PPP2R2C: variants seen among roughly 807,000 people sequenced by gnomAD.
PPP2R2C encodes the protein protein phosphatase 2 regulatory subunit Bgamma, also known as protein phosphatase 2, regulatory subunit B, gamma.
In PPP2R2C, 10 loss-of-function variants were observed where a neutral mutation model predicts 45.3. That is an observed-to-expected ratio of 0.22 (90% CI 0.14 to 0.37). The LOEUF is 0.37. PPP2R2C is among the 10% of genes least tolerant of loss of function. PPP2R2C has a pLI of 1.00. For missense variants in PPP2R2C, 308 were observed against 619.7 expected, an observed-to-expected ratio of 0.50 and a Z score of 5.34; for synonymous variants, 257 against 245.4, an observed-to-expected ratio of 1.05 and a Z score of -0.44.
rs973270585 is a variant in PPP2R2C at position 6,563,205 on chromosome 4, C to G, written c.-59+355G>C. Among the ~76,000 whole-genome samples, 1 of 152,212 alleles carries G rather than the reference C, an allele frequency of 6.6e-6. No individual in the cohort carries two copies. Among genetic ancestry groups the G allele is most frequent in the Non-Finnish European group, 1.5e-5 (1 of 68,034 alleles). ...CTCGGCCGAGACGCTGTGGCTGACA[C>G]CGGTGGAGCGATCTGCCCTGGCTCG... On this transcript the variant is annotated intron_variant, in intron 1 of 9. Coordinates refer to the PPP2R2C transcript ENST00000506140. This position sits in a 1 kb window ranked among gnomAD's most constrained non-coding sequence, Gnocchi z 5.8.
At chr4:6,335,647 G>A (rs552962245) in intron 6 of PPP2R2C, among the ~76,000 whole-genome samples, 8 of 152,108 alleles carry the variant, frequency 5.3e-5, no homozygotes, top group African/African-American at 1.4e-4. Flanking sequence ...CCCTCCCGAC[G>A]GAGGAAGGAA....
chr4:6,549,710 C>T (rs1206347247), intron 1 of PPP2R2C, among the ~76,000 whole-genome samples: 1 of 152,212 alleles, frequency 6.6e-6, no homozygotes, highest in Non-Finnish European at 1.5e-5. Flanking sequence ...ACGGGAGGCA[C>T]CTGCAGCACG....
intron 1 of PPP2R2C, among the ~76,000 whole-genome samples, chr4:6,406,460 G>A (rs898580532): frequency 8.5e-5 from 13 of 152,252 alleles, no homozygotes; most frequent in Non-Finnish European, 1.8e-4. Flanking sequence ...GCAGGGTGCA[G>A]GGCTCACGCC....
rs74975423 is a variant in PPP2R2C at position 6,324,695 on chromosome 4, T to A, written c.1053-1102A>T. On this transcript the variant is annotated intron_variant, in intron 8 of 8. Coordinates refer to ENST00000382599, the MANE Select transcript of PPP2R2C (RefSeq NM_020416.4). This position sits in a 1 kb window ranked among gnomAD's most constrained non-coding sequence, Gnocchi z 4.1. ...GGGCTCGCTGCCCTCACCGTCCCGC[T>A]AAAGAGAATTCCACACCATTTCTCT... Among the ~76,000 whole-genome samples the A allele has an allele frequency of 6.6e-6, 1 of 152,142 alleles. No individual in the cohort carries two copies. The highest frequency in any genetic ancestry group is 2.1e-4 in the South Asian group (1 of 4,834).
At chr4:6,428,231 G>A (rs1434779774) in intron 1 of PPP2R2C, among the ~76,000 whole-genome samples, 1 of 152,210 alleles carries the variant, frequency 6.6e-6, no homozygotes, top group African/African-American at 2.4e-5. Flanking sequence ...CAGGAGAGGA[G>A]GGTCTCATGC....
intron 6 of PPP2R2C, among the ~76,000 whole-genome samples, chr4:6,337,929 T>C (rs1386023228): frequency 1.3e-5 from 2 of 152,110 alleles, no homozygotes; most frequent in Non-Finnish European, 2.9e-5. Flanking sequence ...TTTTTCTTTT[T>C]AGACGTTTCT....
intron 1 of PPP2R2C, chr4:6,421,073 G>A (rs1024245962): frequency 3.0e-6 from 3 of 985,122 alleles, no homozygotes; most frequent in Non-Finnish European, 2.4e-6. Flanking sequence ...GGTGTCCACA[G>A]AAGTGGAGAG....
upstream of PPP2R2C, among the ~76,000 whole-genome samples, chr4:6,472,644 T>A (rs4441821): frequency 1.4e-5 from 2 of 147,652 alleles, no homozygotes; most frequent in African/African-American, 4.9e-5. Context: ...CCGCCGCCGC[T>A]GTCGCAGGCC....
intron 6 of PPP2R2C, among the ~76,000 whole-genome samples, chr4:6,336,258 C>G (rs571971283): frequency 6.6e-5 from 10 of 152,176 alleles, no homozygotes; most frequent in African/African-American, 2.4e-4. Flanking sequence ...CTCCCTCCAT[C>G]GTTCACAGGG....
Position 6,331,787 on chromosome 4 carries a change from G to C in PPP2R2C, c.960+1775C>G, listed in dbSNP as rs897223394. 3.3e-5 allele frequency among the ~76,000 whole-genome samples: 5 copies of C among 152,152 alleles called. No individual in the cohort carries two copies. The highest frequency in any genetic ancestry group is 5.9e-5 in the Non-Finnish European group (4 of 68,024). ...ACCACTGTGGCGCTGCCGGGGTCAT[G>C]GAGCCCCCCCACCTTCCTGGACTGC... On this transcript the variant is annotated intron_variant, in intron 7 of 8. Coordinates refer to ENST00000382599, the MANE Select transcript of PPP2R2C (RefSeq NM_020416.4). The surrounding 1 kb of genome is among the most constrained non-coding windows in gnomAD (Gnocchi z 5.9).
intron 3 of PPP2R2C, among the ~76,000 whole-genome samples, chr4:6,377,907 C>A (rs1050208085): frequency 1.3e-5 from 2 of 152,168 alleles, no homozygotes; most frequent in African/African-American, 4.8e-5. Flanking sequence ...AAGAGGCCGG[C>A]CGGGGTCCTA....
At chr4:6,325,889 G>C (rs887372728) in intron 8 of PPP2R2C, among the ~76,000 whole-genome samples, 5 of 151,670 alleles carry the variant, frequency 3.3e-5, no homozygotes, top group African/African-American at 1.2e-4. Context: ...GGAAAGAAAG[G>C]CTCCTGCCCT....
At chr4:6,500,321 T>C (rs1278572834) in intron 2 of PPP2R2C, among the ~76,000 whole-genome samples, 1 of 152,160 alleles carries the variant, frequency 6.6e-6, no homozygotes, top group Non-Finnish European at 1.5e-5. Context: ...ATGATCTTTG[T>C]ATTTTTAGTA....
chr4:6,332,769 C>T lies in PPP2R2C; in HGVS notation c.960+793G>A, dbSNP rs1732509794. 2.0e-5 allele frequency among the ~76,000 whole-genome samples: 3 copies of T among 152,062 alleles called. No homozygotes were observed. The highest frequency in any genetic ancestry group is 3.9e-4 in the East Asian group (2 of 5,184). The stretch of plus-strand genomic sequence containing the variant: ...GTGACAGATGTCAAGCACGTGGCAC[C>T]CCATGTGTGAGGAGTGACACGGTGA... On this transcript the variant is annotated intron_variant, in intron 7 of 8. Transcript: ENST00000382599. This position sits in a 1 kb window ranked among gnomAD's most constrained non-coding sequence, Gnocchi z 4.9.
intron 1 of PPP2R2C, among the ~76,000 whole-genome samples, chr4:6,457,665 T>C (rs962439785): frequency 2.0e-5 from 3 of 152,174 alleles, no homozygotes; most frequent in East Asian, 1.9e-4. Flanking sequence ...TGAGCCACAA[T>C]GCCCAACCGG....
At chr4:6,418,650 T>A (rs1163623809) in intron 1 of PPP2R2C, among the ~76,000 whole-genome samples, 1 of 152,098 alleles carries the variant, frequency 6.6e-6, no homozygotes, top group African/African-American at 2.4e-5. Context: ...CTGTGCTGGG[T>A]TCACCTCACT....
chr4:6,363,203 T>C (rs1443681979), intron 5 of PPP2R2C, among the ~76,000 whole-genome samples: 1 of 152,182 alleles, frequency 6.6e-6, no homozygotes, highest in Non-Finnish European at 1.5e-5. Context: ...CCAGAGCAGT[T>C]GTGTGCTGGT....
chr4:6,333,457 A>G, intron 7 of PPP2R2C, 105 bp downstream of exon 7: 1 of 1,310,716 alleles, frequency 7.6e-7, no homozygotes, highest in South Asian at 1.4e-5. Flanking sequence ...TCACCTACAT[A>G]CCGGGCATAT....
At chr4:6,413,971 T>C in intron 1 of PPP2R2C, 1 of 1,535,942 alleles carries the variant, frequency 6.5e-7, no homozygotes, top group Non-Finnish European at 8.7e-7. Context: ...CTGGTGGCTC[T>C]GCAGTTGGCT....
Sources: gnomAD v4.1 joint callset for allele counts (sites outside exome capture counted in the v4.1 genomes callset) on GRCh38, gnomAD v4.1.1 for gene constraint, Gnocchi (gnomAD v3.1) non-coding constraint, MANE v1.5 for transcripts, NCBI Gene and HGNC (gene_info 2026-07-23, HGNC 2026-07-21) for gene names.